TCOF1: variants seen among roughly 807,000 people sequenced by gnomAD.
TCOF1 encodes treacle ribosome biogenesis factor 1.
TCOF1 carries 33 observed loss-of-function variants against 149.0 expected under a neutral mutation model. The observed-to-expected ratio is 0.22, with a 90% CI of 0.17 to 0.30. The LOEUF is 0.30. TCOF1 is among the 10% of genes least tolerant of loss of function. The probability of loss-of-function intolerance (pLI) is 1.00; values close to 1 mark genes in which losing one functional copy is unlikely to be tolerated. For missense variants in TCOF1, 1,728 were observed against 1,840.7 expected (o/e 0.94, Z 1.12); for synonymous variants, 789 against 738.8 (o/e 1.07, Z -1.10).
At chr5:150,375,309 C>A in intron 10 of TCOF1, 30 bp from the exon 11 acceptor site, 1 of 1,607,490 alleles carries the variant, frequency 6.2e-7, no homozygotes, top group Non-Finnish European at 8.5e-7. Context: ...TCTGGACTCC[C>A]TCCCTAATCT....
At chr5:150,370,505 G>A (rs1213935919) in intron 6 of TCOF1, among the ~76,000 whole-genome samples, 3 of 152,158 alleles carry the variant, frequency 2.0e-5, no homozygotes, top group African/African-American at 4.8e-5. Flanking sequence ...ACAGGTGCAC[G>A]CCACCACGCC....
At chr5:150,374,048 TG>T (rs1581102151) in intron 7 of TCOF1, 125 bp from the exon 8 acceptor site, 1 of 1,035,270 alleles carries the variant, frequency 9.7e-7, no homozygotes, top group Non-Finnish European at 1.5e-6. Flanking sequence ...TCAGTCAAGG[TG>T]GGGAGTGGGG....
At chr5:150,374,500 C>T in intron 8 of TCOF1, 114 bp downstream of exon 8, 1 of 1,565,052 alleles carries the variant, frequency 6.4e-7, no homozygotes, top group Non-Finnish European at 8.7e-7. Flanking sequence ...ACCCCAGCCC[C>T]TTACTCCCCT....
chr5:150,374,486 T>A, intron 8 of TCOF1, 100 bp downstream of exon 8: 1 of 1,555,622 alleles, frequency 6.4e-7, no homozygotes, highest in Non-Finnish European at 8.7e-7. Flanking sequence ...CGGGCGTGCC[T>A]CAGACCCCAG....
chr5:150,371,166 T>C (rs1762442656), intron 6 of TCOF1, among the ~76,000 whole-genome samples: 1 of 152,162 alleles, frequency 6.6e-6, no homozygotes, highest in Non-Finnish European at 1.5e-5. Context: ...GATGAACTGA[T>C]CTGGTGCCCA....
At chr5:150,384,868 C>T in intron 17 of TCOF1, 1 of 985,398 alleles carries the variant, frequency 1.0e-6, no homozygotes, top group Non-Finnish European at 1.2e-6. Context: ...TGACAAGTTT[C>T]AGTCTGATTT....
Position 150,360,773 on chromosome 5 carries a change from G to A in TCOF1, c.109-383G>A, listed in dbSNP as rs944736757. 2.2e-5 allele frequency among the ~76,000 whole-genome samples: 3 copies of A among 133,584 alleles called. No individual in the cohort carries two copies. In the Admixed American group the frequency reaches 2.5e-4, roughly 11 times the overall value. The allele number at this position is 133,584 out of a possible 152,430, so 87.6% of individuals were successfully genotyped here. Reference sequence around the variant, plus strand: ...TTTTTTAAAGAAAGGGTCTTGCTCTGTTGCCCAGGCTGGAGTGCGGTGGCA... The same window carrying A: ...TTTTTTAAAGAAAGGGTCTTGCTCTATTGCCCAGGCTGGAGTGCGGTGGCA... On this transcript the variant is annotated intron_variant, in intron 1 of 26. Coordinates refer to ENST00000643257, the MANE Select transcript of TCOF1 (RefSeq NM_001371623.1).
intron 18 of TCOF1, 48 bp downstream of exon 18, chr5:150,388,136 C>A (rs945143105): frequency 1.9e-6 from 3 of 1,609,242 alleles, no homozygotes; most frequent in Non-Finnish European, 2.5e-6. Flanking sequence ...CAGCACTGCC[C>A]CACATTGAGG....
At position 150,392,691 on chromosome 5, in the gene TCOF1, C is replaced by T. The variant is rs1308458391; in HGVS notation, c.3518-14C>T. ...GCCACCTGGGGCTACCAACAGGATA[C>T]TGTGCTTCTCCAGTAGGTCCCACCC... On this transcript the variant is annotated splice_polypyrimidine_tract_variant and intron_variant, in intron 21 of 26. Coordinates refer to ENST00000643257, the MANE Select transcript of TCOF1 (RefSeq NM_001371623.1). The T allele has an allele frequency of 5.0e-6, 8 of 1,613,578 alleles. No homozygotes were observed. The highest frequency in any genetic ancestry group is 6.8e-6 in the Non-Finnish European group (8 of 1,179,872).
intron 1 of TCOF1, among the ~76,000 whole-genome samples, chr5:150,359,362 G>A (rs954526676): frequency 8.6e-5 from 13 of 151,224 alleles, no homozygotes; most frequent in African/African-American, 2.2e-4. Context: ...AAAAAAAAAC[G>A]TCCATAGTGG....
rs1269780944 is a variant in TCOF1 at position 150,374,342 on chromosome 5, T to C, written c.1039T>C (p.Ser347Pro). Reference sequence around the variant, plus strand: ...CTCAGAGAGCAGCAGCGAGGAGTCATCTGACAGTGAGGAGGAGACGCCAGC... The same window carrying C: ...CTCAGAGAGCAGCAGCGAGGAGTCACCTGACAGTGAGGAGGAGACGCCAGC... ...EDSESSSEES[S>P]DSEEETPAAK... Residue 347 changes from serine to proline, a missense_variant, in exon 8 of 27, where the codon TCT (serine) becomes CCT (proline). By Grantham distance (74) the Ser-to-Pro change is moderately conservative. Around this residue, in one of 2 missense-constraint regions of TCOF1, gnomAD observed 1,696 missense variants for 1,765.4 expected, o/e 0.96. Transcript: ENST00000643257. 6.4e-6 allele frequency: 10 copies of C among 1,562,014 alleles called. No homozygotes were observed. The highest frequency in any genetic ancestry group is 5.8e-5 in the South Asian group (5 of 85,578).
chr5:150,398,274 G>T, intron 24 of TCOF1, 80 bp from the exon 25 acceptor site: 1 of 1,602,190 alleles, frequency 6.2e-7, no homozygotes, highest in South Asian at 1.1e-5. Flanking sequence ...TGGGAGCCCT[G>T]CCCTGTGCAC....
At chr5:150,372,574 T>C (rs761917140) in intron 7 of TCOF1, among the ~76,000 whole-genome samples, 9 of 152,160 alleles carry the variant, frequency 5.9e-5, no homozygotes, top group Non-Finnish European at 1.0e-4. Context: ...CTAAAGGGAA[T>C]CCAGTTCCCT....
At chr5:150,388,839 G>A (rs571391454) in intron 18 of TCOF1, among the ~76,000 whole-genome samples, 3 of 152,288 alleles carry the variant, frequency 2.0e-5, no homozygotes, top group Non-Finnish European at 4.4e-5. Context: ...GGTAAGCCAC[G>A]AGAATCGCTT....
intron 19 of TCOF1, among the ~76,000 whole-genome samples, chr5:150,390,516 G>A (rs1201958081): frequency 1.3e-5 from 2 of 152,112 alleles, no homozygotes; most frequent in African/African-American, 2.4e-5. Flanking sequence ...CAAGGGCTGC[G>A]ATGTGACCAG....
intron 17 of TCOF1, chr5:150,380,550 C>T (rs1263969316): frequency 6.6e-6 from 1 of 152,402 alleles, no homozygotes; most frequent in East Asian, 1.9e-4. Flanking sequence ...TAGTGCAAAG[C>T]CTGGACCCTG....
chr5:150,357,968 A>G (rs1759029500), intron 1 of TCOF1, 114 bp downstream of exon 1: 1 of 1,066,910 alleles, frequency 9.4e-7, no homozygotes, highest in Non-Finnish European at 1.3e-6. Flanking sequence ...CGGGTCCCGC[A>G]GTGCTCGACG....
chr5:150,357,935 G>A, intron 1 of TCOF1, 81 bp downstream of exon 1: 2 of 1,475,284 alleles, frequency 1.4e-6, no homozygotes, highest in Non-Finnish European at 1.8e-6. Context: ...CCGTCCCCAG[G>A]CGACCCGGCA....
intron 2 of TCOF1, among the ~76,000 whole-genome samples, chr5:150,363,394 T>A (rs898553349): frequency 2.0e-5 from 3 of 152,026 alleles, no homozygotes; most frequent in Non-Finnish European, 2.9e-5. Flanking sequence ...CTCCCTGGGA[T>A]GGGGGTCAAT....
Sources: allele counts gnomAD v4.1 joint callset (sites outside exome capture counted in the v4.1 genomes callset), GRCh38; gene constraint gnomAD v4.1.1; regional missense constraint gnomAD v4.1.1; transcripts MANE v1.5; gene names NCBI Gene and HGNC (gene_info 2026-07-23, HGNC 2026-07-21).